The following DGKG variants were observed in gnomAD, a reference collection of about 807,000 sequenced individuals.
DGKG encodes the protein diacylglycerol kinase gamma, also known as DAG kinase gamma.
A neutral mutation model predicts 105.3 loss-of-function variants in DGKG; 78 were observed. The observed-to-expected ratio is 0.74, with a 90% CI of 0.62 to 0.89. The LOEUF (loss-of-function observed/expected upper bound fraction) is 0.89. Ranked by LOEUF, DGKG falls within the 40% of genes least tolerant of loss-of-function variation. The pLI is 0.00. For missense variants in DGKG, 958 were observed against 1,020.1 expected (o/e 0.94, Z 0.83); for synonymous variants, 346 against 367.1 (o/e 0.94, Z 0.66).
chr3:186,311,941 C>A (rs1724565949), intron 2 of DGKG, among the ~76,000 whole-genome samples: 1 of 131,758 alleles, frequency 7.6e-6, no homozygotes, highest in South Asian at 2.2e-4. Flanking sequence ...AAGGTGAAAC[C>A]CCGTCTCTAC....
intron 21 of DGKG, among the ~76,000 whole-genome samples, chr3:186,207,118 C>T (rs375761837): frequency 2.4e-4 from 36 of 152,218 alleles, no homozygotes; most frequent in Non-Finnish European, 4.3e-4. Flanking sequence ...ACAGCACTCA[C>T]GTTCACAGGC....
chr3:186,258,524 G>A (rs564859126), intron 16 of DGKG, among the ~76,000 whole-genome samples: 1 of 152,300 alleles, frequency 6.6e-6, no homozygotes, highest in Admixed American at 6.5e-5. Context: ...TTTTCCCTAA[G>A]CTCAAACTGA....
chr3:186,216,599 G>A (rs895656856), intron 20 of DGKG, among the ~76,000 whole-genome samples: 2 of 151,932 alleles, frequency 1.3e-5, no homozygotes, highest in Non-Finnish European at 2.9e-5. Flanking sequence ...CCTCTGCCTC[G>A]TCTTCCTTTT....
intron 6 of DGKG, 33 bp downstream of exon 6, chr3:186,288,677 A>C: frequency 6.2e-7 from 1 of 1,609,900 alleles, no homozygotes; most frequent in Non-Finnish European, 8.5e-7. Context: ...CTCTAGGAAA[A>C]AGCTGAAGCC....
Position 186,284,819 on chromosome 3 carries a change from G to T in DGKG, c.545-110C>A, listed in dbSNP as rs981568620. The T allele has an allele frequency of 1.2e-6, 1 of 860,898 alleles. No individual in the cohort carries two copies. The highest frequency in any genetic ancestry group is 1.9e-6 in the Non-Finnish European group (1 of 520,852). 53.3% of individuals were successfully genotyped at this position (860,898 alleles called of 1,614,324 possible). A position where few individuals can be genotyped will look rare whatever the true frequency, so the allele number is the denominator to read the frequency against. ...TAGTTCTGTCACCACTGTGACGAAG[G>T]TTATGGCAGCCAGCTCTCCCTCCCT... On this transcript the variant is annotated intron_variant, in intron 6 of 24. Coordinates refer to ENST00000265022, the MANE Select transcript of DGKG (RefSeq NM_001346.3). The surrounding 1 kb of genome is among the most constrained non-coding windows in gnomAD (Gnocchi z 4.0).
At chr3:186,240,190 G>A (rs1720615068) in intron 20 of DGKG, among the ~76,000 whole-genome samples, 1 of 152,078 alleles carries the variant, frequency 6.6e-6, no homozygotes, top group African/African-American at 2.4e-5. Context: ...TTCTCCCTGT[G>A]TTGCCCTCCT....
At chr3:186,152,272 T>C (rs1229268824) in intron 24 of DGKG, among the ~76,000 whole-genome samples, 1 of 152,132 alleles carries the variant, frequency 6.6e-6, no homozygotes, top group Non-Finnish European at 1.5e-5. Flanking sequence ...AAACCGAGAA[T>C]GCATCAACAT....
chr3:186,217,393 G>A (rs887123090), intron 20 of DGKG, among the ~76,000 whole-genome samples: 3 of 152,128 alleles, frequency 2.0e-5, no homozygotes, highest in Non-Finnish European at 4.4e-5. Flanking sequence ...GAACTATCCA[G>A]ATGAACCCAT....
At chr3:186,193,032 A>G (rs982584506) in intron 21 of DGKG, among the ~76,000 whole-genome samples, 1 of 152,180 alleles carries the variant, frequency 6.6e-6, no homozygotes, top group Non-Finnish European at 1.5e-5. Flanking sequence ...TTCCTGGAAG[A>G]GCAGGCAATC....
chr3:186,351,298 A>C (rs1726619398), intron 1 of DGKG, among the ~76,000 whole-genome samples: 1 of 152,210 alleles, frequency 6.6e-6, no homozygotes, highest in African/African-American at 2.4e-5. Context: ...TGGTTATTTC[A>C]GTAAAAATCA....
At chr3:186,241,289 T>TTTTAAG (rs1720673524) in intron 20 of DGKG, among the ~76,000 whole-genome samples, 1 of 151,660 alleles carries the variant, frequency 6.6e-6, no homozygotes, top group Admixed American at 6.6e-5. Flanking sequence ...AGGACAATTC[T>TTTTAAG]TGCTTGTAAT....
chr3:186,357,337 A>G (rs1274144882), intron 1 of DGKG, among the ~76,000 whole-genome samples: 1 of 152,206 alleles, frequency 6.6e-6, no homozygotes, highest in Non-Finnish European at 1.5e-5. Flanking sequence ...GTGATTTCCC[A>G]GGAAGCCAAG....
At chr3:186,193,716 CG>C (rs1718025779) in intron 21 of DGKG, among the ~76,000 whole-genome samples, 1 of 152,200 alleles carries the variant, frequency 6.6e-6, no homozygotes, top group South Asian at 2.1e-4. Context: ...ACGCCGGCCC[CG>C]GGGCCCGCTC....
intron 6 of DGKG, among the ~76,000 whole-genome samples, chr3:186,286,732 T>C (rs1723087052): frequency 6.6e-6 from 1 of 152,130 alleles, no homozygotes; most frequent in South Asian, 2.1e-4. Context: ...ATGACCAAGT[T>C]TCTGTAACAA....
chr3:186,270,959 T>C (rs1722286262), intron 11 of DGKG, among the ~76,000 whole-genome samples: 1 of 152,178 alleles, frequency 6.6e-6, no homozygotes, highest in Non-Finnish European at 1.5e-5. Flanking sequence ...ACACCGTGTG[T>C]CCCGGTGAAA....
chr3:186,295,450 T>C (rs111621379), intron 5 of DGKG, among the ~76,000 whole-genome samples: 6,741 of 151,294 alleles, frequency 0.045, 504 homozygotes, highest in African/African-American at 0.15. Context: ...CTCAGGGAGC[T>C]GAGATTGTGC....
intron 6 of DGKG, among the ~76,000 whole-genome samples, chr3:186,286,023 T>C (rs1382863475): frequency 1.3e-5 from 2 of 151,794 alleles, no homozygotes; most frequent in African/African-American, 4.9e-5. Flanking sequence ...GCCTGCTTTC[T>C]CTGCGGAGCA....
At chr3:186,263,162 A>AC (rs201961066) in intron 14 of DGKG, among the ~76,000 whole-genome samples, 47 of 145,928 alleles carry the variant, frequency 3.2e-4, no homozygotes, top group Admixed American at 1.9e-3. Flanking sequence ...AAACAAACAA[A>AC]AAACACCACC....
intron 20 of DGKG, among the ~76,000 whole-genome samples, chr3:186,236,766 A>C (rs1720439537): frequency 6.6e-6 from 1 of 152,248 alleles, no homozygotes; most frequent in Non-Finnish European, 1.5e-5. Context: ...TTCTAGTAGG[A>C]ATGAAGCACT....
Sources: allele counts gnomAD v4.1 joint callset (sites outside exome capture counted in the v4.1 genomes callset), GRCh38; gene constraint gnomAD v4.1.1; non-coding constraint Gnocchi (gnomAD v3.1); transcripts MANE v1.5; gene names NCBI Gene and HGNC (gene_info 2026-07-23, HGNC 2026-07-21).